CREBBP: variants seen among roughly 807,000 people sequenced by gnomAD.
The protein encoded by CREBBP is CREB-binding protein.
CREBBP carries 19 observed loss-of-function variants against 265.0 expected under a neutral mutation model. That is an observed-to-expected ratio of 0.07 (90% CI 0.05 to 0.11). CREBBP has a LOEUF of 0.11. CREBBP is among the 10% of genes least tolerant of loss of function. The pLI, the probability that CREBBP is intolerant of heterozygous loss-of-function variation, is 1.00. For synonymous variants in CREBBP, 1,457 were observed against 1,223.7 expected, an observed-to-expected ratio of 1.19 and a Z score of -3.98; for missense variants, 2,525 against 3,219.0, an observed-to-expected ratio of 0.78 and a Z score of 5.22.
At chr16:3,813,034 G>C (rs930290217) in intron 2 of CREBBP, 3 of 226,332 alleles carry the variant, frequency 1.3e-5, no homozygotes, top group African/African-American at 2.2e-5. Flanking sequence ...TCTTGAACAA[G>C]ATGGATCGTA....
chr16:3,785,834 C>G (rs144986154), intron 5 of CREBBP, among the ~76,000 whole-genome samples: 26 of 152,318 alleles, frequency 1.7e-4, no homozygotes, highest in African/African-American at 5.5e-4. Context: ...CACAACACAC[C>G]TGCAATGCAC....
At chr16:3,874,407 T>C (rs2055358893) in intron 1 of CREBBP, among the ~76,000 whole-genome samples, 2 of 152,188 alleles carry the variant, frequency 1.3e-5, no homozygotes, top group Admixed American at 6.5e-5. Flanking sequence ...GCTCAGAGAA[T>C]GAAGTCCCAC....
intron 18 of CREBBP, 74 bp downstream of exon 18, chr16:3,757,735 C>A: frequency 6.3e-7 from 1 of 1,595,906 alleles, no homozygotes; most frequent in South Asian, 1.1e-5. Context: ...CAGGCGTGGT[C>A]TCATATTAGT....
At chr16:3,849,403 GTGTGTGTGTGTGTGTGTGTGTGT>G (rs2054738413) in intron 2 of CREBBP, among the ~76,000 whole-genome samples, 2 of 4,304 alleles carry the variant, frequency 4.6e-4, no homozygotes, top group African/African-American at 5.4e-4. Context: ...GTGTGTGTGT[GTGTGTGTGTGTGTGTGTGTGTGT>G]GTGTGTGTGT....
At chr16:3,847,410 G>C (rs2054690372) in intron 2 of CREBBP, among the ~76,000 whole-genome samples, 1 of 152,122 alleles carries the variant, frequency 6.6e-6, no homozygotes. Flanking sequence ...TCTAGAGAGG[G>C]AATGGTTTAA....
At chr16:3,854,299 C>T (rs1340316478) in intron 1 of CREBBP, among the ~76,000 whole-genome samples, 2 of 152,232 alleles carry the variant, frequency 1.3e-5, no homozygotes, top group African/African-American at 2.4e-5. Context: ...TCTCCCTCCT[C>T]TTCTTCACCA....
At chr16:3,805,702 A>C (rs1055647655) in intron 3 of CREBBP, among the ~76,000 whole-genome samples, 1 of 152,202 alleles carries the variant, frequency 6.6e-6, no homozygotes, top group South Asian at 2.1e-4. Context: ...AAGCCTTCTG[A>C]AGTACTAAAG....
At chr16:3,808,904 G>A (rs1468495807) in intron 3 of CREBBP, among the ~76,000 whole-genome samples, 3 of 152,302 alleles carry the variant, frequency 2.0e-5, no homozygotes, top group East Asian at 3.9e-4. Context: ...GCACAGGAGA[G>A]AACGGGATCT....
At chr16:3,848,788 T>C (rs569555405) in intron 2 of CREBBP, among the ~76,000 whole-genome samples, 1 of 152,310 alleles carries the variant, frequency 6.6e-6, no homozygotes, top group East Asian at 1.9e-4. Flanking sequence ...CATAAACCCA[T>C]GAGAAATTCC....
chr16:3,777,865 A>C (rs1294625878), intron 10 of CREBBP, 146 bp downstream of exon 10: 2 of 1,114,236 alleles, frequency 1.8e-6, no homozygotes, highest in Non-Finnish European at 2.7e-6. Context: ...AGCCTGAGGC[A>C]GGTGGTCAGG....
intron 3 of CREBBP, among the ~76,000 whole-genome samples, chr16:3,794,230 G>A (rs1031549659): frequency 4.0e-5 from 6 of 150,320 alleles, no homozygotes; most frequent in African/African-American, 1.5e-4. Flanking sequence ...TACTCGGGAG[G>A]CTGAGGCAGG....
intron 2 of CREBBP, among the ~76,000 whole-genome samples, chr16:3,849,850 G>A (rs2054789722): frequency 6.6e-6 from 1 of 152,066 alleles, no homozygotes. Flanking sequence ...CTTCTCCCCG[G>A]CTCTGCCACC....
intron 5 of CREBBP, chr16:3,791,248 T>G (rs1185745281): frequency 6.5e-6 from 1 of 152,730 alleles, no homozygotes; most frequent in Non-Finnish European, 1.5e-5. Flanking sequence ...TCCTTCTTAC[T>G]GCCTGAAGCC....
chr16:3,803,165 T>TA (rs1567325419), intron 3 of CREBBP, among the ~76,000 whole-genome samples: 169 of 151,174 alleles, frequency 1.1e-3, no homozygotes, highest in African/African-American at 3.1e-3. Flanking sequence ...TTGATTTTTT[T>TA]TAAAAAAATA....
At chr16:3,876,788 G>A (rs2055412676) in intron 1 of CREBBP, among the ~76,000 whole-genome samples, 1 of 152,170 alleles carries the variant, frequency 6.6e-6, no homozygotes, top group Admixed American at 6.5e-5. Flanking sequence ...AGCACATTCC[G>A]TATTTCTGCA....
intron 1 of CREBBP, among the ~76,000 whole-genome samples, chr16:3,852,230 G>A (rs577576926): frequency 1.3e-4 from 18 of 134,590 alleles, no homozygotes; most frequent in Admixed American, 1.3e-3. Context: ...GTGCAGTGGC[G>A]TGATCTCGGC....
chr16:3,778,300 T>C, intron 9 of CREBBP, 118 bp from the exon 10 acceptor site: 2 of 799,682 alleles, frequency 2.5e-6, no homozygotes, highest in South Asian at 1.5e-5. Flanking sequence ...AAAAGTAGTA[T>C]GCAAATACCT....
intron 1 of CREBBP, among the ~76,000 whole-genome samples, chr16:3,879,466 G>A (rs1029818069): frequency 3.9e-5 from 6 of 152,172 alleles, no homozygotes; most frequent in Non-Finnish European, 8.8e-5. Context: ...GGTACCCTCC[G>A]CTGTCATTCC....
chr16:3,731,092 C>T lies in CREBBP; in HGVS notation c.5172+100G>A. The T allele has an allele frequency of 8.0e-7, 1 of 1,249,846 alleles. No homozygotes were observed. Among genetic ancestry groups the T allele is most frequent in the Non-Finnish European group, 1.1e-6 (1 of 877,476 alleles). The allele number at this position is 1,249,846 out of a possible 1,614,324, so 77.4% of individuals were successfully genotyped here. A position where few individuals can be genotyped will look rare whatever the true frequency, so the allele number is the denominator to read the frequency against. On this transcript the variant is annotated intron_variant, in intron 30 of 30. Coordinates refer to ENST00000262367, the MANE Select transcript of CREBBP (RefSeq NM_004380.3). The surrounding 1 kb of genome is among the most constrained non-coding windows in gnomAD (Gnocchi z 7.7). ...GTTCTGGAGGAGTCAGTGCAGCCAC[C>T]ATCAGGTACAGACACCAACCCGGGC...
Sources: gnomAD v4.1 joint callset for allele counts (sites outside exome capture counted in the v4.1 genomes callset) on GRCh38, gnomAD v4.1.1 for gene constraint, Gnocchi (gnomAD v3.1) non-coding constraint, MANE v1.5 for transcripts, NCBI Gene and HGNC (gene_info 2026-07-23, HGNC 2026-07-21) for gene names.